The following TCF4 variants were observed in gnomAD, a reference collection of about 807,000 sequenced individuals.
TCF4 encodes the protein transcription factor 4.
TCF4 carries 3 observed loss-of-function variants against 82.1 expected under a neutral mutation model. The observed-to-expected ratio is 0.04, with a 90% CI of 0.02 to 0.09. The LOEUF (loss-of-function observed/expected upper bound fraction) is 0.09, where lower values mean the gene tolerates loss of function less well. TCF4 is among the 10% of genes least tolerant of loss of function. The probability of loss-of-function intolerance (pLI) is 1.00; values close to 1 mark genes in which losing one functional copy is unlikely to be tolerated. For missense variants in TCF4, 518 were observed against 852.7 expected, an observed-to-expected ratio of 0.61 and a Z score of 4.89; for synonymous variants, 276 against 309.6, an observed-to-expected ratio of 0.89 and a Z score of 1.14.
intron 14 of TCF4, 91 bp from the exon 15 acceptor site, chr18:55,254,791 T>C (rs547215146): frequency 2.6e-6 from 3 of 1,139,406 alleles, no homozygotes; most frequent in Non-Finnish European, 3.9e-6. Context: ...AAAAACACAC[T>C]GTGTTTCTAA....
upstream of TCF4, among the ~76,000 whole-genome samples, chr18:55,593,099 G>A (rs780489682): frequency 3.7e-4 from 57 of 152,038 alleles, no homozygotes; most frequent in Non-Finnish European, 7.2e-4. Context: ...AGTAGTGACC[G>A]CTATTCTAGG....
chr18:55,545,354 C>G (rs1447601284), intron 3 of TCF4, among the ~76,000 whole-genome samples: 1 of 152,152 alleles, frequency 6.6e-6, no homozygotes, highest in Non-Finnish European at 1.5e-5. Flanking sequence ...CAACAGGTAC[C>G]AAGGAAATGA....
chr18:55,619,232 C>T (rs1603625521), intron 2 of TCF4, among the ~76,000 whole-genome samples: 2 of 152,188 alleles, frequency 1.3e-5, no homozygotes, highest in South Asian at 2.1e-4. Flanking sequence ...GTGTTCAGAT[C>T]ATCTTATCTA....
chr18:55,287,621 C>G (rs2063995668), intron 8 of TCF4, among the ~76,000 whole-genome samples: 1 of 152,144 alleles, frequency 6.6e-6, no homozygotes, highest in Admixed American at 6.5e-5. Context: ...CCTGAGCAGG[C>G]AGGGATGGCC....
At chr18:55,430,008 G>T (rs1199592175) in intron 5 of TCF4, among the ~76,000 whole-genome samples, 1 of 151,946 alleles carries the variant, frequency 6.6e-6, no homozygotes, top group Non-Finnish European at 1.5e-5. Context: ...GACGACTGGG[G>T]GTTACCAGAC....
chr18:55,224,837 G>A lies in TCF4; in HGVS notation c.*3198C>T, dbSNP rs1468793764. 6.6e-6 allele frequency: 1 copy of A among 152,504 alleles called. No homozygotes were observed. The highest frequency in any genetic ancestry group is 2.4e-5 in the African/African-American group (1 of 41,406). 9.4% of individuals were successfully genotyped at this position (152,504 alleles called of 1,614,324 possible). A position where few individuals can be genotyped will look rare whatever the true frequency, so the allele number is the denominator to read the frequency against. The stretch of plus-strand genomic sequence containing the variant: ...TATTCATAAATTACTTGAATGTGGA[G>A]GTGGATCAACTGCTCCAAGTTGCTT... On this transcript the variant is annotated 3_prime_UTR_variant, in exon 20 of 20. Coordinates refer to ENST00000354452, the MANE Select transcript of TCF4 (RefSeq NM_001083962.2).
chr18:55,616,959 T>C (rs2097712756), intron 2 of TCF4, among the ~76,000 whole-genome samples: 1 of 152,136 alleles, frequency 6.6e-6, no homozygotes, highest in Non-Finnish European at 1.5e-5. Flanking sequence ...ACTTGTCCAT[T>C]TTTGCTTTTG....
At chr18:55,393,504 A>G (rs1274222173) in intron 6 of TCF4, among the ~76,000 whole-genome samples, 1 of 152,226 alleles carries the variant, frequency 6.6e-6, no homozygotes, top group Non-Finnish European at 1.5e-5. Flanking sequence ...GATCTCAAAG[A>G]AGTTTGTAAA....
At chr18:55,626,602 A>G (rs1175603736) in intron 2 of TCF4, among the ~76,000 whole-genome samples, 4 of 152,198 alleles carry the variant, frequency 2.6e-5, no homozygotes, top group Non-Finnish European at 4.4e-5. Context: ...TTCTTTCTCA[A>G]AGAAATGGGC....
At chr18:55,313,367 C>T (rs571978737) in intron 8 of TCF4, among the ~76,000 whole-genome samples, 34 of 152,160 alleles carry the variant, frequency 2.2e-4, no homozygotes, top group African/African-American at 7.5e-4. Context: ...AGGACAAAGT[C>T]TAAACTGATA....
chr18:55,613,225 C>T (rs908500156), intron 2 of TCF4, among the ~76,000 whole-genome samples: 3 of 152,198 alleles, frequency 2.0e-5, no homozygotes, highest in African/African-American at 4.8e-5. Flanking sequence ...AAAGCTTCCT[C>T]ATGCCCCTAT....
intron 6 of TCF4, among the ~76,000 whole-genome samples, chr18:55,390,363 A>G (rs2092988318): frequency 6.8e-6 from 1 of 147,316 alleles, no homozygotes; most frequent in Non-Finnish European, 1.5e-5. Flanking sequence ...TTACTATACT[A>G]TTAGCTGAAG....
intron 3 of TCF4, among the ~76,000 whole-genome samples, chr18:55,484,549 GC>G (rs1466318454): frequency 6.6e-6 from 1 of 152,158 alleles, no homozygotes; most frequent in East Asian, 1.9e-4. Context: ...AGTCCAAGTT[GC>G]TAAAATCTCG....
intron 15 of TCF4, among the ~76,000 whole-genome samples, chr18:55,251,931 T>C (rs1160285021): frequency 3.4e-5 from 2 of 58,194 alleles, no homozygotes; most frequent in South Asian, 4.3e-4. Context: ...GGGGATGAGG[T>C]TTTTTTTTTT....
rs140563389 is a variant in TCF4, at chr18:55,396,550, C to T, written c.369+6904G>A. ...GGCCAGTCAACTACTGATGATCAACCTTGTGAGATGTTTACTAGCAATTAT... is the reference window on the plus strand; with the variant it reads ...GGCCAGTCAACTACTGATGATCAACTTTGTGAGATGTTTACTAGCAATTAT... On this transcript the variant is annotated intron_variant, in intron 6 of 19. Coordinates refer to ENST00000354452, the MANE Select transcript of TCF4 (RefSeq NM_001083962.2). Among the ~76,000 whole-genome samples the T allele has an allele frequency of 1.1e-4, 16 of 152,204 alleles. No individual in the cohort carries two copies. In the East Asian group the frequency reaches 2.9e-3, roughly 28 times the overall value.
At chr18:55,340,045 G>A (rs1188242024) in intron 8 of TCF4, among the ~76,000 whole-genome samples, 1 of 152,134 alleles carries the variant, frequency 6.6e-6, no homozygotes, top group Non-Finnish European at 1.5e-5. Flanking sequence ...AATATCTTAG[G>A]CCTAACCTTC....
chr18:55,609,871 C>T (rs1603625381), intron 2 of TCF4, among the ~76,000 whole-genome samples: 1 of 151,900 alleles, frequency 6.6e-6, no homozygotes, highest in Non-Finnish European at 1.5e-5. Context: ...GAGAGGCTTC[C>T]CTAGTTACTT....
intron 6 of TCF4, chr18:55,351,866 TA>T: frequency 2.2e-6 from 2 of 913,380 alleles, no homozygotes; most frequent in Non-Finnish European, 2.6e-6. Flanking sequence ...TGATATGCAA[TA>T]AAACAAGAGT....
At chr18:55,314,151 C>T (rs2073417674) in intron 8 of TCF4, among the ~76,000 whole-genome samples, 1 of 152,126 alleles carries the variant, frequency 6.6e-6, no homozygotes, top group South Asian at 2.1e-4. Context: ...ATCACATCAA[C>T]ACACAAAAAG....
Sources: allele counts gnomAD v4.1 joint callset (sites outside exome capture counted in the v4.1 genomes callset), GRCh38; gene constraint gnomAD v4.1.1; transcripts MANE v1.5; gene names NCBI Gene and HGNC (gene_info 2026-07-23, HGNC 2026-07-21).